The following DRC11 variants were observed in gnomAD, a reference collection of about 807,000 sequenced individuals.
DRC11 encodes dynein regulatory complex subunit 11.
the DRC11 span, among the ~76,000 whole-genome samples, chr2:236,353,730 C>G: frequency 1.3e-5 from 2 of 151,902 alleles, no homozygotes; most frequent in African/African-American, 4.8e-5. This position sits in a 1 kb window ranked among gnomAD's most constrained non-coding sequence, Gnocchi z 5.0. Context: ...TTGGGAGACA[C>G]GGTCCCTGCC....
chr2:236,439,997 G>C, the DRC11 span, among the ~76,000 whole-genome samples: 5 of 152,128 alleles, frequency 3.3e-5, no homozygotes, highest in African/African-American at 1.2e-4. Context: ...GCCCTCAGAA[G>C]GTTTATAATC....
chr2:236,481,406 C>A, the DRC11 span, among the ~76,000 whole-genome samples: 1 of 152,034 alleles, frequency 6.6e-6, no homozygotes, highest in East Asian at 1.9e-4. Context: ...CGGGGAGGAG[C>A]ACTGTGAATA....
chr2:236,350,662 C>A, the DRC11 span, among the ~76,000 whole-genome samples: 1 of 152,218 alleles, frequency 6.6e-6, no homozygotes, highest in South Asian at 2.1e-4. This position sits in a 1 kb window ranked among gnomAD's most constrained non-coding sequence, Gnocchi z 5.2. Context: ...CTGCCCAGCA[C>A]CCACAAGCCC....
At chr2:236,375,011 T>C in the DRC11 span, among the ~76,000 whole-genome samples, 3 of 151,986 alleles carry the variant, frequency 2.0e-5, no homozygotes, top group Non-Finnish European at 4.4e-5. This position sits in a 1 kb window ranked among gnomAD's most constrained non-coding sequence, Gnocchi z 4.2. Flanking sequence ...TGCTACACAC[T>C]TTAAAATGAC....
chr2:236,383,441 A>G, the DRC11 span, among the ~76,000 whole-genome samples: 3 of 151,542 alleles, frequency 2.0e-5, no homozygotes, highest in African/African-American at 7.3e-5. Flanking sequence ...TATTTCATGG[A>G]TTTCTGCTCT....
chr2:236,483,620 C>T, the DRC11 span, among the ~76,000 whole-genome samples: 5 of 151,986 alleles, frequency 3.3e-5, no homozygotes, highest in African/African-American at 1.2e-4. The surrounding 1 kb of genome is among the most constrained non-coding windows in gnomAD (Gnocchi z 4.8). Flanking sequence ...TGAATTCTTT[C>T]CTCAAGCAAA....
At chr2:236,492,810 A>T in the DRC11 span, among the ~76,000 whole-genome samples, 1 of 152,230 alleles carries the variant, frequency 6.6e-6, no homozygotes, top group Non-Finnish European at 1.5e-5. Flanking sequence ...GGTGGTCATG[A>T]GAGTCAGGCT....
chr2:236,316,636 G>A, the DRC11 span, among the ~76,000 whole-genome samples: 23 of 152,246 alleles, frequency 1.5e-4, no homozygotes, highest in East Asian at 1.7e-3. This position sits in a 1 kb window ranked among gnomAD's most constrained non-coding sequence, Gnocchi z 6.8. Context: ...TAAAAAGTAC[G>A]GTAATATTCA....
At chr2:236,416,724 TATATATATATATATATATATATATATATA>T in the DRC11 span, among the ~76,000 whole-genome samples, 5 of 20,500 alleles carry the variant, frequency 2.4e-4, no homozygotes, top group East Asian at 1.4e-3. Flanking sequence ...TATATATTTA[TATATATATATATATATATATATATATATA>T]TATATATATA....
the DRC11 span, chr2:236,338,292 G>A: frequency 2.5e-6 from 4 of 1,613,734 alleles, no homozygotes; most frequent in East Asian, 2.2e-5. Context: ...TCGAAGGGAC[G>A]CCGTGTGGTC....
the DRC11 span, chr2:236,333,210 A>G: frequency 1.3e-5 from 2 of 152,186 alleles, no homozygotes; most frequent in South Asian, 2.1e-4. The surrounding 1 kb of genome is among the most constrained non-coding windows in gnomAD (Gnocchi z 6.0). Context: ...TCTTCATTCT[A>G]TATTGCACTG....
chr2:236,467,451 C>CT, the DRC11 span, among the ~76,000 whole-genome samples: 1 of 152,188 alleles, frequency 6.6e-6, no homozygotes, highest in African/African-American at 2.4e-5. Flanking sequence ...CTTTCAGTTA[C>CT]GTGTATCATT....
chr2:236,491,632 A>C, the DRC11 span, among the ~76,000 whole-genome samples: 1 of 152,104 alleles, frequency 6.6e-6, no homozygotes, highest in African/African-American at 2.4e-5. Flanking sequence ...TGCTTGGTGC[A>C]AAGGGATTCC....
chr2:236,366,032 G>A, the DRC11 span, among the ~76,000 whole-genome samples: 32 of 152,134 alleles, frequency 2.1e-4, no homozygotes, highest in Admixed American at 2.0e-3. Context: ...AACAGCTTAC[G>A]AATCACTAAA....
the DRC11 span, chr2:236,493,747 T>C: frequency 2.6e-6 from 4 of 1,561,044 alleles, no homozygotes; most frequent in Non-Finnish European, 3.5e-6. Context: ...GGATTAATGT[T>C]TGTTAAAATG....
the DRC11 span, among the ~76,000 whole-genome samples, chr2:236,348,590 C>T: frequency 1.3e-5 from 2 of 152,056 alleles, no homozygotes; most frequent in Non-Finnish European, 2.9e-5. The surrounding 1 kb of genome is among the most constrained non-coding windows in gnomAD (Gnocchi z 7.4). Flanking sequence ...AGGGAAGCCT[C>T]TTTCTTCCCC....
the DRC11 span, among the ~76,000 whole-genome samples, chr2:236,447,614 G>C: frequency 2.6e-5 from 4 of 152,276 alleles, no homozygotes; most frequent in South Asian, 8.3e-4. The surrounding 1 kb of genome is among the most constrained non-coding windows in gnomAD (Gnocchi z 4.6). Context: ...AACCTACAAC[G>C]GTCTTACCAA....
the DRC11 span, among the ~76,000 whole-genome samples, chr2:236,347,507 G>GATATATATATATATATATATATATAT: frequency 2.1e-5 from 2 of 93,168 alleles, no homozygotes; most frequent in Non-Finnish European, 2.6e-5. Flanking sequence ...AAAAAACTGT[G>GATATATATATATATATATATATATAT]CTATATATAT....
At chr2:236,343,789 A>G in the DRC11 span, 2 of 1,282,458 alleles carry the variant, frequency 1.6e-6, no homozygotes, top group Non-Finnish European at 1.0e-6. The surrounding 1 kb of genome is among the most constrained non-coding windows in gnomAD (Gnocchi z 6.6). Flanking sequence ...ATTAAATAAT[A>G]AATGAGTTCT....
Sources: allele counts gnomAD v4.1 joint callset (sites outside exome capture counted in the v4.1 genomes callset), GRCh38; gene constraint gnomAD v4.1.1; non-coding constraint Gnocchi (gnomAD v3.1); transcripts MANE v1.5; gene names NCBI Gene and HGNC (gene_info 2026-07-23, HGNC 2026-07-21).